UTRN: variants seen among roughly 807,000 people sequenced by gnomAD.
The protein encoded by UTRN is dystrophin-related protein 1.
A neutral mutation model predicts 463.9 loss-of-function variants in UTRN; 283 were observed. The observed-to-expected ratio is 0.61, with a 90% CI of 0.55 to 0.67. UTRN has a LOEUF of 0.67. Ranked by LOEUF, UTRN falls within the 30% of genes least tolerant of loss-of-function variation. The pLI is 0.00. For synonymous variants in UTRN, 1,442 were observed against 1,431.5 expected (o/e 1.01, Z -0.17); for missense variants, 3,922 against 4,084.3 (o/e 0.96, Z 1.08).
At chr6:144,292,192 C>T (rs948344682) in intron 2 of UTRN, among the ~76,000 whole-genome samples, 26 of 152,070 alleles carry the variant, frequency 1.7e-4, no homozygotes, top group Admixed American at 7.9e-4. Context: ...AAAATACGAC[C>T]GAACATTTCT....
chr6:144,785,751 C>T (rs1776241237), intron 61 of UTRN, among the ~76,000 whole-genome samples: 3 of 152,066 alleles, frequency 2.0e-5, no homozygotes. Flanking sequence ...GCTTACCACA[C>T]AAAAGGTGAT....
chr6:144,632,106 A>G (rs935514049), intron 51 of UTRN, among the ~76,000 whole-genome samples: 1 of 152,188 alleles, frequency 6.6e-6, no homozygotes, highest in African/African-American at 2.4e-5. Context: ...CTTTTACATG[A>G]TCTTGAGGGA....
intron 51 of UTRN, among the ~76,000 whole-genome samples, chr6:144,589,989 T>C (rs1292000233): frequency 2.6e-5 from 4 of 151,954 alleles, no homozygotes; most frequent in African/African-American, 9.6e-5. Context: ...GTAGCTGGGA[T>C]CACAGCTACT....
intron 65 of UTRN, among the ~76,000 whole-genome samples, chr6:144,819,877 G>GCCTCCTCCTCCTCCT (rs535515378): frequency 2.4e-4 from 30 of 127,270 alleles, no homozygotes; most frequent in East Asian, 6.1e-4. Flanking sequence ...CTCCTCCGCC[G>GCCTCCTCCTCCTCCT]CCTCCTCCTC....
At chr6:144,778,045 G>A (rs1775489265) in intron 60 of UTRN, among the ~76,000 whole-genome samples, 1 of 152,114 alleles carries the variant, frequency 6.6e-6, no homozygotes, top group Non-Finnish European at 1.5e-5. Context: ...AGAATGGGGA[G>A]CCATGAGGCA....
At chr6:144,627,796 GTTTTTTTT>G (rs34178832) in intron 51 of UTRN, among the ~76,000 whole-genome samples, 1 of 112,118 alleles carries the variant, frequency 8.9e-6, no homozygotes, top group Non-Finnish European at 1.8e-5. Flanking sequence ...TTCCTTCTGT[GTTTTTTTT>G]TTTTTTTTTT....
At chr6:144,822,999 G>T (rs1337960892) in intron 66 of UTRN, among the ~76,000 whole-genome samples, 2 of 151,994 alleles carry the variant, frequency 1.3e-5, no homozygotes, top group African/African-American at 4.8e-5. Context: ...TTTTTAATTT[G>T]CCTTTCAATG....
At chr6:144,821,096 G>T in intron 66 of UTRN, 78 bp downstream of exon 66, 2 of 1,505,064 alleles carry the variant, frequency 1.3e-6, no homozygotes, top group African/African-American at 1.4e-5. Flanking sequence ...TAACACAAGA[G>T]AAATTGTTTA....
intron 1 of UTRN, among the ~76,000 whole-genome samples, chr6:144,290,491 T>G (rs767295859): frequency 6.6e-6 from 1 of 152,126 alleles, no homozygotes; most frequent in Non-Finnish European, 1.5e-5. Flanking sequence ...ATTGTGTAGA[T>G]GATGTGGTGA....
intron 54 of UTRN, among the ~76,000 whole-genome samples, chr6:144,732,866 TC>T (rs545522529): frequency 5.9e-5 from 9 of 152,226 alleles, no homozygotes; most frequent in African/African-American, 1.9e-4. Context: ...CCACAGACTA[TC>T]TTTTTTAAAA....
At chr6:144,449,134 G>C (rs948822976) in intron 17 of UTRN, among the ~76,000 whole-genome samples, 1 of 152,038 alleles carries the variant, frequency 6.6e-6, no homozygotes, top group African/African-American at 2.4e-5. Context: ...CTCAGTCTTT[G>C]AATATAGCTT....
At chr6:144,433,040 T>G (rs1441030348) in intron 9 of UTRN, among the ~76,000 whole-genome samples, 1 of 152,180 alleles carries the variant, frequency 6.6e-6, no homozygotes, top group Non-Finnish European at 1.5e-5. Flanking sequence ...GGCAGAAGAA[T>G]TTTTCTTAGT....
chr6:144,761,002 C>G (rs536394260), intron 58 of UTRN, among the ~76,000 whole-genome samples: 1 of 152,264 alleles, frequency 6.6e-6, no homozygotes, highest in Non-Finnish European at 1.5e-5. Flanking sequence ...TTCTGTCTCT[C>G]TAGGTAATTC....
chr6:144,436,090 T>C lies in UTRN; in HGVS notation c.1011T>C (p.Asp337=). ...SAEDTFQEQD[D]ISDDVEEVKD... ...AGGACACTTTCCAGGAGCAGGATGA[T>C]ATTTCTGATGATGTTGAAGAAGTCA... is the stretch of plus-strand genomic sequence containing the variant. The change falls in exon 10 of 75, where the codon GAT becomes GAC. Residue 337 remains aspartate, a synonymous_variant. Transcript: ENST00000367545. 3 of 1,614,246 alleles carry C rather than the reference T, an allele frequency of 1.9e-6. No individual in the cohort carries two copies. In the South Asian group the frequency reaches 3.3e-5, roughly 18 times the overall value.
At chr6:144,499,571 C>T in intron 34 of UTRN, 144 bp downstream of exon 34, 1 of 512,254 alleles carries the variant, frequency 2.0e-6, no homozygotes, top group Non-Finnish European at 3.1e-6. Context: ...CTTCTCTGTC[C>T]TAAGAAAAAA....
At chr6:144,551,129 A>T (rs1376665119) in intron 48 of UTRN, 47 bp downstream of exon 48, 2 of 1,160,398 alleles carry the variant, frequency 1.7e-6, no homozygotes, top group Non-Finnish European at 1.2e-6. Context: ...CTTTCCCTGC[A>T]AATGGTGACA....
chr6:144,669,328 G>T (rs1217769336), intron 51 of UTRN, among the ~76,000 whole-genome samples: 2 of 152,046 alleles, frequency 1.3e-5, no homozygotes, highest in Non-Finnish European at 2.9e-5. Context: ...CTTCTATAGA[G>T]GTTACACTAT....
At chr6:144,739,783 C>A (rs759392829) in intron 54 of UTRN, among the ~76,000 whole-genome samples, 1 of 152,148 alleles carries the variant, frequency 6.6e-6, no homozygotes, top group Non-Finnish European at 1.5e-5. Context: ...GCTCACCCTT[C>A]TTTAGATCCA....
At chr6:144,473,867 A>G (rs368328637) in intron 24 of UTRN, 34 bp downstream of exon 24, 67 of 1,507,536 alleles carry the variant, frequency 4.4e-5, no homozygotes, top group Non-Finnish European at 5.7e-5. Context: ...CTTGTCATAA[A>G]TAACATTTTG....
Sources: gnomAD v4.1 joint callset for allele counts (sites outside exome capture counted in the v4.1 genomes callset) on GRCh38, gnomAD v4.1.1 for gene constraint, MANE v1.5 for transcripts, NCBI Gene and HGNC (gene_info 2026-07-23, HGNC 2026-07-21) for gene names.